The following PDE1C variants were observed in gnomAD, a reference collection of about 807,000 sequenced individuals.
PDE1C encodes the protein dual specificity calcium/calmodulin-dependent 3',5'-cyclic nucleotide phosphodiesterase 1C.
A neutral mutation model predicts 93.1 loss-of-function variants in PDE1C; 62 were observed. That is an observed-to-expected ratio of 0.67 (90% CI 0.54 to 0.82). The LOEUF (loss-of-function observed/expected upper bound fraction) is 0.82, where lower values mean the gene tolerates loss of function less well. Among genes scored for constraint, PDE1C ranks in the 40% least tolerant of loss-of-function variants. The pLI is 0.00. For missense variants in PDE1C, 742 were observed against 884.6 expected (o/e 0.84, Z 2.04); for synonymous variants, 325 against 310.1 (o/e 1.05, Z -0.50).
chr7:31,958,602 T>C (rs2129027680), intron 2 of PDE1C, among the ~76,000 whole-genome samples: 1 of 152,324 alleles, frequency 6.6e-6, no homozygotes, highest in South Asian at 2.1e-4. Flanking sequence ...ATTCAATAAA[T>C]GTTCTGGTTT....
intron 1 of PDE1C, among the ~76,000 whole-genome samples, chr7:32,288,169 A>G (rs1812117321): frequency 6.6e-6 from 1 of 152,190 alleles, no homozygotes; most frequent in Non-Finnish European, 1.5e-5. Context: ...AACAAAATGT[A>G]GAAACTAGAT....
chr7:31,877,803 A>G (rs899540129), intron 5 of PDE1C, among the ~76,000 whole-genome samples, 167 bp downstream of exon 5: 2 of 151,742 alleles, frequency 1.3e-5, no homozygotes, highest in Non-Finnish European at 2.9e-5. Context: ...ATGAAGGGTG[A>G]AAAGACAGTG....
chr7:32,335,955 C>T (rs1783611924), intron 1 of PDE1C, among the ~76,000 whole-genome samples: 2 of 152,086 alleles, frequency 1.3e-5, no homozygotes, highest in African/African-American at 4.8e-5. Flanking sequence ...ATCTCAAACA[C>T]CTGGGCTTAC....
chr7:32,142,346 C>T (rs970717108), intron 3 of PDE1C, among the ~76,000 whole-genome samples: 2 of 152,056 alleles, frequency 1.3e-5, no homozygotes, highest in African/African-American at 2.4e-5. Context: ...GAGTGCAGTG[C>T]GGCCTGTGCA....
intron 2 of PDE1C, among the ~76,000 whole-genome samples, chr7:31,973,278 A>G (rs189251731): frequency 1.3e-5 from 2 of 152,298 alleles, no homozygotes; most frequent in East Asian, 3.9e-4. Context: ...AAGAAAGAGT[A>G]GAGCTGAAAA....
At chr7:32,359,174 A>T (rs1179059514) in intron 1 of PDE1C, among the ~76,000 whole-genome samples, 2 of 152,064 alleles carry the variant, frequency 1.3e-5, no homozygotes, top group Non-Finnish European at 1.5e-5. Context: ...TCTACCCTTG[A>T]TGTCTCTTCC....
chr7:32,016,563 A>T (rs942273822), intron 2 of PDE1C, among the ~76,000 whole-genome samples: 30 of 152,236 alleles, frequency 2.0e-4, no homozygotes, highest in African/African-American at 7.2e-4. Flanking sequence ...GCAAAGATAC[A>T]TACATCAGAA....
At chr7:32,377,393 T>C (rs1259643815) in intron 1 of PDE1C, among the ~76,000 whole-genome samples, 1 of 152,214 alleles carries the variant, frequency 6.6e-6, no homozygotes, top group Non-Finnish European at 1.5e-5. Context: ...GTAACACTCG[T>C]CTTAGATTAA....
chr7:32,215,224 T>C (rs1432356339), intron 1 of PDE1C, among the ~76,000 whole-genome samples: 1 of 152,140 alleles, frequency 6.6e-6, no homozygotes, highest in Non-Finnish European at 1.5e-5. Flanking sequence ...TAGATTCTCA[T>C]AGGAGCATGA....
At chr7:31,810,233 C>A (rs1268088519) in intron 15 of PDE1C, among the ~76,000 whole-genome samples, 1 of 152,102 alleles carries the variant, frequency 6.6e-6, no homozygotes, top group African/African-American at 2.4e-5. Flanking sequence ...TGGATATTTT[C>A]TTACCAGTCT....
upstream of PDE1C, chr7:32,071,381 G>A: frequency 1.0e-6 from 1 of 985,512 alleles, no homozygotes; most frequent in Non-Finnish European, 1.2e-6. Context: ...TGAAGCGACT[G>A]ATGGGGACGA....
intron 2 of PDE1C, among the ~76,000 whole-genome samples, chr7:32,200,807 G>A (rs539070584): frequency 2.6e-5 from 4 of 152,136 alleles, no homozygotes; most frequent in African/African-American, 9.7e-5. Context: ...GAAAACAGAG[G>A]CCTCATCATC....
chr7:32,170,978 T>G (rs1467167165), intron 2 of PDE1C, among the ~76,000 whole-genome samples: 1 of 152,062 alleles, frequency 6.6e-6, no homozygotes, highest in Non-Finnish European at 1.5e-5. Flanking sequence ...CTGAAGTCAT[T>G]CAAACTAGCC....
At chr7:31,797,915 G>A (rs893431240) in intron 16 of PDE1C, among the ~76,000 whole-genome samples, 1 of 151,692 alleles carries the variant, frequency 6.6e-6, no homozygotes, top group Non-Finnish European at 1.5e-5. Flanking sequence ...AAGAAAAGGG[G>A]TGCCATAGAG....
the PDE1C span, among the ~76,000 whole-genome samples, chr7:31,715,783 T>G: frequency 6.6e-6 from 1 of 152,202 alleles, no homozygotes; most frequent in Non-Finnish European, 1.5e-5. Context: ...TGTCCCCTTG[T>G]GCACTAAATA....
rs1397577736 is a variant in PDE1C, at chr7:32,000,672, C to T, written c.128+50882G>A. On this transcript the variant is annotated intron_variant, in intron 2 of 17. Transcript: ENST00000396191. ...GCAGGTGCCCAAGATGAGCCCTGGA[C>T]ACGCTCATGTCCCATGGGACTCTTC... 2.0e-5 allele frequency among the ~76,000 whole-genome samples: 3 copies of T among 152,108 alleles called. No homozygotes were observed. The East Asian group carries it at 5.8e-4, about 29-fold the overall frequency.
the PDE1C span, among the ~76,000 whole-genome samples, chr7:31,693,251 A>T: frequency 6.6e-6 from 1 of 152,212 alleles, no homozygotes. Context: ...ATGGCTGTGC[A>T]CTGAGCAGAA....
intron 3 of PDE1C, among the ~76,000 whole-genome samples, chr7:32,087,713 A>G (rs1283176611): frequency 6.6e-6 from 1 of 152,160 alleles, no homozygotes; most frequent in African/African-American, 2.4e-5. Flanking sequence ...GACATGGATG[A>G]AATTGGAAAT....
chr7:31,639,535 T>TG, the PDE1C span, among the ~76,000 whole-genome samples: 1 of 20,654 alleles, frequency 4.8e-5, no homozygotes, highest in South Asian at 1.8e-3. Context: ...TTTGTTTGTT[T>TG]TTGTTTTTTT....
Sources: allele counts gnomAD v4.1 joint callset (sites outside exome capture counted in the v4.1 genomes callset), GRCh38; gene constraint gnomAD v4.1.1; transcripts MANE v1.5; gene names NCBI Gene and HGNC (gene_info 2026-07-23, HGNC 2026-07-21).